TSHR: variants seen among roughly 807,000 people sequenced by gnomAD.
TSHR encodes the protein thyroid stimulating hormone receptor.
Under a neutral mutation model 64.1 loss-of-function variants are expected in TSHR, and 51 were observed. The ratio of observed to expected loss-of-function variants is 0.80; its 90% CI spans 0.64 to 1.01. The LOEUF (loss-of-function observed/expected upper bound fraction) is 1.01. Ranked by LOEUF, TSHR falls within the 50% of genes least tolerant of loss-of-function variation. The pLI is 0.00. For synonymous variants in TSHR, 361 were observed against 361.9 expected (o/e 1.00, Z 0.03); for missense variants, 877 against 942.8 (o/e 0.93, Z 0.91).
rs1443120346 is a variant in TSHR at position 80,955,631 on chromosome 14, G to A, written c.-50G>A. 4 of 1,610,682 alleles carry A rather than the reference G, an allele frequency of 2.5e-6. No individual in the cohort carries two copies. The highest frequency in any genetic ancestry group is 3.4e-6 in the Non-Finnish European group (4 of 1,178,430). On this transcript the variant is annotated 5_prime_UTR_variant, in exon 1 of 10. Coordinates refer to ENST00000298171, the MANE Select transcript of TSHR (RefSeq NM_000369.5). ...GGGGTAACCCGAGGTGCAGAGCTGA[G>A]AATGAGGCGATTTCGGAGGATGGAG...
At chr14:81,025,452 T>C (rs1884000510) in intron 1 of TSHR, among the ~76,000 whole-genome samples, 1 of 149,322 alleles carries the variant, frequency 6.7e-6, no homozygotes, top group Non-Finnish European at 1.5e-5. Flanking sequence ...AAATATGTAG[T>C]TATTTTTTTT....
intron 1 of TSHR, among the ~76,000 whole-genome samples, chr14:81,060,963 T>C (rs1427757379): frequency 6.6e-6 from 1 of 152,142 alleles, no homozygotes; most frequent in Non-Finnish European, 1.5e-5. Flanking sequence ...TGTTTCATTA[T>C]GTATGATGAG....
At chr14:81,053,812 A>T (rs1279512066) in intron 1 of TSHR, 1 of 152,226 alleles carries the variant, frequency 6.6e-6, no homozygotes. Flanking sequence ...AGAAACAACC[A>T]TCAACTGGAG....
chr14:81,032,602 T>C, intron 1 of TSHR: 1 of 449,300 alleles, frequency 2.2e-6, no homozygotes, highest in South Asian at 1.9e-5. Flanking sequence ...AACATGCACC[T>C]CAGGTTGTTT....
At chr14:81,092,787 A>G (rs1888858193) in intron 6 of TSHR, among the ~76,000 whole-genome samples, 179 bp downstream of exon 6, 1 of 152,210 alleles carries the variant, frequency 6.6e-6, no homozygotes, top group Non-Finnish European at 1.5e-5. Flanking sequence ...TAGACTACAA[A>G]ACAGTTTAGG....
chr14:81,048,627 A>C (rs1343447327), intron 1 of TSHR, among the ~76,000 whole-genome samples: 1 of 152,254 alleles, frequency 6.6e-6, no homozygotes, highest in Admixed American at 6.5e-5. Flanking sequence ...AAATGAATGA[A>C]TGAATAAATA....
At chr14:80,985,360 C>T (rs546616198) in intron 1 of TSHR, among the ~76,000 whole-genome samples, 4 of 152,172 alleles carry the variant, frequency 2.6e-5, no homozygotes, top group Non-Finnish European at 5.9e-5. Flanking sequence ...TATGAAAGGC[C>T]AAAGGGCTTT....
At chr14:81,026,350 G>T (rs1228088181) in intron 1 of TSHR, among the ~76,000 whole-genome samples, 2 of 152,300 alleles carry the variant, frequency 1.3e-5, no homozygotes, top group South Asian at 4.1e-4. Flanking sequence ...GTGTGTATGT[G>T]TGTGTGTATA....
chr14:81,075,966 T>TA (rs1359419833), intron 3 of TSHR, among the ~76,000 whole-genome samples: 1 of 152,014 alleles, frequency 6.6e-6, no homozygotes, highest in Admixed American at 6.5e-5. Flanking sequence ...TATGCAGCCA[T>TA]AAAAAATGAT....
intron 2 of TSHR, among the ~76,000 whole-genome samples, chr14:81,065,277 T>C (rs1886531158): frequency 1.3e-5 from 2 of 152,136 alleles, no homozygotes; most frequent in Admixed American, 1.3e-4. Flanking sequence ...GAGCCCTTTT[T>C]TACTTAGCTG....
chr14:81,023,311 A>T (rs917087828), intron 1 of TSHR, among the ~76,000 whole-genome samples: 3 of 151,686 alleles, frequency 2.0e-5, no homozygotes, highest in African/African-American at 7.3e-5. Flanking sequence ...AAGGGGAAAG[A>T]CCCACCCCCA....
intron 1 of TSHR, among the ~76,000 whole-genome samples, chr14:81,029,777 A>AT (rs1288942102): frequency 6.6e-6 from 1 of 152,212 alleles, no homozygotes; most frequent in Non-Finnish European, 1.5e-5. Flanking sequence ...TTCTTAAAAA[A>AT]ATATACCCAT....
rs77969672 is a variant in TSHR, at chr14:81,134,232, T to A, written c.693-5447T>A. On this transcript the variant is annotated intron_variant, in intron 8 of 9. Coordinates refer to ENST00000298171, the MANE Select transcript of TSHR (RefSeq NM_000369.5). ...CTCACCACGACCTCCACTTCCCGGG[T>A]TCAAGCGATTTTCTCCTGCCTCAGC... Among the ~76,000 whole-genome samples, 8 of 151,982 alleles carry A rather than the reference T, an allele frequency of 5.3e-5. No individual in the cohort carries two copies. In the East Asian group the frequency reaches 1.5e-3, roughly 29 times the overall value.
intron 4 of TSHR, among the ~76,000 whole-genome samples, chr14:81,089,292 G>C (rs146590945): frequency 2.6e-3 from 395 of 152,242 alleles, no homozygotes; most frequent in African/African-American, 8.8e-3. Flanking sequence ...CTGGCCAATA[G>C]TTGTATATTG....
At chr14:80,982,729 GT>G in intron 1 of TSHR, 6 of 808,270 alleles carry the variant, frequency 7.4e-6, no homozygotes, top group South Asian at 5.3e-5. Flanking sequence ...TTCATATATT[GT>G]TTTGGCCTCA....
At chr14:80,967,373 C>T (rs1313943432) in intron 1 of TSHR, among the ~76,000 whole-genome samples, 1 of 150,370 alleles carries the variant, frequency 6.7e-6, no homozygotes, top group Non-Finnish European at 1.5e-5. Flanking sequence ...GCAACCTGCA[C>T]CTCCGGATTC....
At chr14:81,007,010 AAACT>A (rs1437132375) in intron 1 of TSHR, among the ~76,000 whole-genome samples, 1 of 152,198 alleles carries the variant, frequency 6.6e-6, no homozygotes, top group Middle Eastern at 3.2e-3. Flanking sequence ...TTCACCTAAC[AAACT>A]TTTTCAGTCC....
chr14:81,030,565 T>C (rs1337468503), intron 1 of TSHR, among the ~76,000 whole-genome samples: 1 of 152,160 alleles, frequency 6.6e-6, no homozygotes, highest in East Asian at 1.9e-4. Context: ...GGCAGGGAAA[T>C]AAATGCTAAT....
intron 1 of TSHR, among the ~76,000 whole-genome samples, chr14:81,061,875 T>C (rs1886269667): frequency 1.3e-5 from 2 of 152,260 alleles, no homozygotes; most frequent in Non-Finnish European, 2.9e-5. Flanking sequence ...TAAAGTGTGA[T>C]GCGAGGCAAG....
Sources: gnomAD v4.1 joint callset for allele counts (sites outside exome capture counted in the v4.1 genomes callset) on GRCh38, gnomAD v4.1.1 for gene constraint, MANE v1.5 for transcripts, NCBI Gene and HGNC (gene_info 2026-07-23, HGNC 2026-07-21) for gene names.